Variants in L1CAM observed in about 807,000 individuals in gnomAD.
The protein encoded by L1CAM is L1 cell adhesion molecule, also known as neural cell adhesion molecule L1.
L1CAM carries 8 observed loss-of-function variants against 93.0 expected under a neutral mutation model. The ratio of observed to expected loss-of-function variants is 0.09; its 90% CI spans 0.05 to 0.16. The LOEUF (loss-of-function observed/expected upper bound fraction) is 0.16. Among genes scored for constraint, L1CAM ranks in the 10% least tolerant of loss-of-function variants. L1CAM has a pLI of 1.00. For missense variants in L1CAM, 777 were observed against 1,073.4 expected, an observed-to-expected ratio of 0.72 and a Z score of 3.86; for synonymous variants, 453 against 453.0, an observed-to-expected ratio of 1.00 and a Z score of 0.00.
Position 153,869,567 on chromosome X carries a change from C to T in L1CAM, c.1220G>A (p.Arg407His), listed in dbSNP as rs139197516. 2.4e-5 allele frequency: 29 copies of T among 1,209,794 alleles called. 1 individual carries two copies. The highest frequency in any genetic ancestry group is 1.1e-4 in the South Asian group (6 of 56,494). Residue 407 changes from arginine to histidine, a missense_variant, in exon 11 of 29, where the codon CGC becomes CAC. By Grantham distance (29) the Arg-to-His change is conservative (BLOSUM62 0). Around this residue, in one of 5 missense-constraint regions of L1CAM, gnomAD observed 574 missense variants for 781.0 expected, o/e 0.73. Coordinates refer to ENST00000370060, the MANE Select transcript of L1CAM (RefSeq NM_001278116.2). ...GGCCAGCAAGAGCCCGTGCCGGTTG[C>T]GGGCCTCACATTGGGTCACCATTGT... ...SDTMVTQCEA[R>H]NRHGLLLANA... is the part of the protein sequence containing the mutation.
intron 2 of L1CAM, among the ~76,000 whole-genome samples, chrX:153,874,867 C>T (rs1370221143): frequency 3.6e-5 from 4 of 112,010 alleles, no homozygotes; most frequent in African/African-American, 9.7e-5. Context: ...ACCCCCCACA[C>T]GCAAGTGTGT....
intron 19 of L1CAM, 126 bp from the exon 20 acceptor site, chrX:153,865,945 G>A (rs1308009454): frequency 5.9e-6 from 3 of 512,339 alleles, no homozygotes; most frequent in Non-Finnish European, 1.0e-5. Context: ...GAGGAGGAGA[G>A]GTGTGTTTGC....
intron 1 of L1CAM, among the ~76,000 whole-genome samples, chrX:153,885,626 C>G (rs952033459): frequency 1.1e-4 from 12 of 111,636 alleles, no homozygotes; most frequent in Admixed American, 2.8e-4. Flanking sequence ...ACTGAGCTCT[C>G]GGCTGGGGAT....
Position 153,870,954 on chromosome X carries a change from A to G in L1CAM, c.530T>C (p.Leu177Ser). The change falls in exon 7 of 29, where the codon TTG becomes TCG. Residue 177 changes from leucine to serine, a missense_variant. Around this residue, in one of 5 missense-constraint regions of L1CAM, gnomAD observed 574 missense variants for 781.0 expected, o/e 0.73. Coordinates refer to ENST00000370060, the MANE Select transcript of L1CAM (RefSeq NM_001278116.2). ...LRIYWMNSKI[L>S]HIKQDERVTM... is the part of the protein sequence containing the mutation. Reference sequence around the variant, plus strand: ...CACCCGCTCGTCCTGCTTGATGTGCAAGATCTCTGCAGGGGGCAAGGAGGC... The same window carrying G: ...CACCCGCTCGTCCTGCTTGATGTGCGAGATCTCTGCAGGGGGCAAGGAGGC... 1.7e-6 allele frequency: 2 copies of G among 1,210,858 alleles called. No homozygotes were observed. Among genetic ancestry groups the G allele is most frequent in the Non-Finnish European group, 2.2e-6 (2 of 895,297 alleles).
At chrX:153,880,144 A>G (rs1399159799) in intron 1 of L1CAM, 1 of 114,931 alleles carries the variant, frequency 8.7e-6, no homozygotes, top group African/African-American at 3.3e-5. Context: ...CCTCTGCTCC[A>G]AAGTGCCTGC....
chrX:153,870,336 A>G, intron 8 of L1CAM, 52 bp downstream of exon 8: 1 of 1,180,708 alleles, frequency 8.5e-7, no homozygotes, highest in Non-Finnish European at 1.2e-6. Flanking sequence ...GCTCCCTGCT[A>G]GGGCTCCGCC....
Position 153,864,076 on chromosome X carries a change from C to T in L1CAM, c.3323-59G>A, listed in dbSNP as rs1680722030. 6 of 1,199,943 alleles carry T rather than the reference C, an allele frequency of 5.0e-6. No individual in the cohort carries two copies. In the South Asian group the frequency reaches 7.1e-5, roughly 14 times the overall value. Reference sequence around the variant, plus strand: ...CCCAAGCCAGAACCCGACCTGAGGCCCTGAAGTATGCTCTTAAAGTTGGGG... The same window carrying T: ...CCCAAGCCAGAACCCGACCTGAGGCTCTGAAGTATGCTCTTAAAGTTGGGG... On this transcript the variant is annotated intron_variant, in intron 25 of 28. Transcript: ENST00000370060.
chrX:153,877,638 G>C (rs1269832697), intron 1 of L1CAM, among the ~76,000 whole-genome samples: 21 of 111,575 alleles, frequency 1.9e-4, no homozygotes, highest in African/African-American at 6.8e-4. Flanking sequence ...AAAAAAAAGA[G>C]AGAAAGAATG....
rs782035973 is a variant in L1CAM, at chrX:153,866,827, G to A, written c.2253C>T (p.Arg751=). 8.3e-6 allele frequency: 10 copies of A among 1,211,624 alleles called. No homozygotes were observed. Among genetic ancestry groups the A allele is most frequent in the Middle Eastern group, 2.3e-4 (1 of 4,326 alleles). Reference sequence around the variant, plus strand: ...GTGTCCCCTGAGGGCGCCACTGCACGCGGTACTGAACCTGGGGGGCGTTCC... The same window carrying A: ...GTGTCCCCTGAGGGCGCCACTGCACACGGTACTGAACCTGGGGGGCGTTCC... ...MDWNAPQVQY[R]VQWRPQGTRG... is the part of the protein sequence containing the mutation. Residue 751 remains arginine, a synonymous_variant, in exon 19 of 29, where the codon CGC becomes CGT. Coordinates refer to ENST00000370060, the MANE Select transcript of L1CAM (RefSeq NM_001278116.2).
intron 1 of L1CAM, among the ~76,000 whole-genome samples, chrX:153,882,358 A>C (rs2148505913): frequency 9.0e-6 from 1 of 110,850 alleles, no homozygotes; most frequent in East Asian, 2.9e-4. Flanking sequence ...CCACTGCAGC[A>C]GCCACCCTCA....
rs200590243 is a variant in L1CAM at position 153,863,895 on chromosome X, C to T, written c.3445G>A (p.Gly1149Ser). The T allele has an allele frequency of 3.3e-6, 4 of 1,212,149 alleles. No individual in the cohort carries two copies. Among genetic ancestry groups the T allele is most frequent in the Non-Finnish European group, 4.5e-6 (4 of 895,525 alleles). Reference sequence around the variant, plus strand: ...GCTCAGAGGCTACCTGAGTATTTGCCGCCCTTGCTGCGCTTGATGAAGCAG... The same window carrying T: ...GCTCAGAGGCTACCTGAGTATTTGCTGCCCTTGCTGCGCTTGATGAAGCAG... ...ILCFIKRSKG[G>S]KYSVKDKEDT... Residue 1149 changes from glycine (G) to serine (S), a missense_variant, in exon 26 of 29, where the codon GGC becomes AGC. Gly to Ser is a moderately conservative substitution (Grantham distance 56, BLOSUM62 0). This residue lies in a region of L1CAM where 110 missense variants were observed against 141.7 expected (regional missense o/e 0.78). Coordinates refer to ENST00000370060, the MANE Select transcript of L1CAM (RefSeq NM_001278116.2).
intron 1 of L1CAM, chrX:153,885,847 G>C: frequency 1.2e-6 from 1 of 827,206 alleles, no homozygotes; most frequent in Non-Finnish European, 1.5e-6. Flanking sequence ...CTCACCTGTC[G>C]GGCTCGGGCA....
chrX:153,865,136 G>C lies in L1CAM; in HGVS notation c.2824C>G (p.Leu942Val). The C allele has an allele frequency of 8.3e-7, 1 of 1,209,899 alleles. No homozygotes were observed. The highest frequency in any genetic ancestry group is 1.1e-6 in the Non-Finnish European group (1 of 894,900). Residue 942 changes from leucine to valine, a missense_variant, in exon 22 of 29, where the codon CTC becomes GTC. Around this residue, in one of 5 missense-constraint regions of L1CAM, gnomAD observed 71 missense variants for 77.4 expected, o/e 0.92. Transcript: ENST00000370060. ...TSLLLRWQPP[L>V]SHNGVLTGYV... ...CCGGTGAGCACGCCGTTGTGGCTGA[G>C]TGGGGGCTGCCAGCGCAGCAGCAGG...
Position 153,886,137 on chromosome X carries a change from G to T in L1CAM, c.-181C>A, listed in dbSNP as rs2043359450. 8.3e-6 allele frequency: 1 copy of T among 120,739 alleles called. No homozygotes were observed. Among genetic ancestry groups the T allele is most frequent in the Admixed American group, 9.4e-5 (1 of 10,612 alleles). The allele number at this position is 120,739 out of a possible 1,213,427, so 10.0% of individuals were successfully genotyped here. A position where few individuals can be genotyped will look rare whatever the true frequency, so the allele number is the denominator to read the frequency against. On this transcript the variant is annotated 5_prime_UTR_variant, in exon 1 of 29. Transcript: ENST00000370060. ...CCGGCCTCGGACCCGCCGCCCGAGC[G>T]CGTCTGCGATGCCGATGCTGCGGCA...
intron 25 of L1CAM, 99 bp downstream of exon 25, chrX:153,864,223 G>A: frequency 1.9e-6 from 2 of 1,052,414 alleles, no homozygotes; most frequent in South Asian, 3.7e-5. Flanking sequence ...AGCCGTGGAG[G>A]GAGCCTGGGC....
chrX:153,871,292 G>A (rs1259189542), intron 5 of L1CAM, 113 bp from the exon 6 acceptor site: 9 of 682,418 alleles, frequency 1.3e-5, no homozygotes, highest in African/African-American at 1.3e-4. Flanking sequence ...ACGAGGGGGC[G>A]AGAGGGTCAG....
In L1CAM at chrX:153,862,819, G is replaced by A; in HGVS notation, c.3618C>T (p.Asp1206=). The change falls in exon 29 of 29, where the codon GAC becomes GAT. Residue 1206 remains aspartate, a synonymous_variant. Coordinates refer to ENST00000370060, the MANE Select transcript of L1CAM (RefSeq NM_001278116.2). The part of the protein sequence containing the change: ...NGDIKPLGSD[D]SLADYGGSVD... ...CGCTGCCCCCATAATCGGCCAGGCT[G>A]TCGTCACTGCCCAGGGGCTTGATGT... The A allele has an allele frequency of 8.2e-7, 1 of 1,212,229 alleles. No individual in the cohort carries two copies. Among genetic ancestry groups the A allele is most frequent in the South Asian group, 1.8e-5 (1 of 57,035 alleles).
rs1037084789 is a variant in L1CAM, at chrX:153,871,290, G to A, written c.401-111C>T. 25 of 705,853 alleles carry A rather than the reference G, an allele frequency of 3.5e-5. No homozygotes were observed. The South Asian group carries it at 4.9e-4, about 14-fold the overall frequency. The allele number at this position is 705,853 out of a possible 1,213,427, so 58.2% of individuals were successfully genotyped here. On this transcript the variant is annotated intron_variant, in intron 5 of 28. Coordinates refer to ENST00000370060, the MANE Select transcript of L1CAM (RefSeq NM_001278116.2). Reference sequence around the variant, plus strand: ...GGCTACACCAGGGATGGACGAGGGGGCGAGAGGGTCAGGCCAGTAGAAACT... The same window carrying A: ...GGCTACACCAGGGATGGACGAGGGGACGAGAGGGTCAGGCCAGTAGAAACT...
intron 1 of L1CAM, among the ~76,000 whole-genome samples, chrX:153,882,125 C>T (rs2064848217): frequency 9.0e-6 from 1 of 111,496 alleles, no homozygotes; most frequent in Admixed American, 9.4e-5. Flanking sequence ...TCAGACACTG[C>T]CAGGCCCCAC....
Sources: gnomAD v4.1 joint callset for allele counts (sites outside exome capture counted in the v4.1 genomes callset) on GRCh38, gnomAD v4.1.1 for gene constraint, gnomAD v4.1.1 regional missense constraint, MANE v1.5 for transcripts, NCBI Gene and HGNC (gene_info 2026-07-23, HGNC 2026-07-21) for gene names.